The following ACTR5 variants were observed in gnomAD, a reference collection of about 807,000 sequenced individuals.
ACTR5 encodes actin-related protein 5.
In ACTR5, 43 loss-of-function variants were observed where a neutral mutation model predicts 61.2. That is an observed-to-expected ratio of 0.70 (90% CI 0.55 to 0.91). The LOEUF (loss-of-function observed/expected upper bound fraction) is 0.91. ACTR5 is among the 40% of genes least tolerant of loss of function. The pLI is 0.00. For missense variants in ACTR5, 798 were observed against 782.2 expected (o/e 1.02, Z -0.24); for synonymous variants, 333 against 310.5 (o/e 1.07, Z -0.76).
chr20:38,748,918 C>T (rs900286036), intron 1 of ACTR5, 65 bp downstream of exon 1: 3 of 1,523,514 alleles, frequency 2.0e-6, no homozygotes, highest in Non-Finnish European at 1.8e-6. Flanking sequence ...CGTCTCCGCT[C>T]ACTCTGCTCT....
chr20:38,752,187 A>G lies in ACTR5; in HGVS notation c.662A>G (p.Tyr221Cys). The G allele has an allele frequency of 2.5e-6, 4 of 1,613,978 alleles. No homozygotes were observed. Among genetic ancestry groups the G allele is most frequent in the Non-Finnish European group, 3.4e-6 (4 of 1,179,912 alleles). The change falls in exon 3 of 9, where the codon TAC becomes TGC. Residue 221 changes from tyrosine to cysteine, a missense_variant. Transcript: ENST00000243903. ...CTTGGAGGAAGCCAAGCAGCTGGTT[A>G]CCTCCAGCGTCTCCTCCAGCTGAAG... ...INLGGSQAAG[Y>C]LQRLLQLKYP...
chr20:38,767,682 C>A, intron 8 of ACTR5, 86 bp downstream of exon 8: 3 of 1,435,040 alleles, frequency 2.1e-6, no homozygotes, highest in Non-Finnish European at 2.8e-6. Context: ...CAGAAATATC[C>A]ACTGTTAACA....
At chr20:38,751,001 C>A (rs1375425525) in intron 2 of ACTR5, among the ~76,000 whole-genome samples, 2 of 152,176 alleles carry the variant, frequency 1.3e-5, no homozygotes, top group Non-Finnish European at 2.9e-5. Flanking sequence ...TGGACCCTTA[C>A]TAAATATTTT....
chr20:38,766,635 A>G (rs1310610710), intron 7 of ACTR5, among the ~76,000 whole-genome samples: 1 of 152,208 alleles, frequency 6.6e-6, no homozygotes, highest in Non-Finnish European at 1.5e-5. Flanking sequence ...AAGTTTGAAC[A>G]ACCCGATAAC....
chr20:38,759,730 C>T (rs1024432101), intron 5 of ACTR5, among the ~76,000 whole-genome samples: 1 of 152,082 alleles, frequency 6.6e-6, no homozygotes, highest in Non-Finnish European at 1.5e-5. Flanking sequence ...TGCCTGCCTT[C>T]CTGGGTACCT....
At chr20:38,756,181 T>C in intron 5 of ACTR5, 142 bp downstream of exon 5, 1 of 957,710 alleles carries the variant, frequency 1.0e-6, no homozygotes, top group South Asian at 1.8e-5. Flanking sequence ...GCACTGACCT[T>C]GTACCAACTG....
chr20:38,755,677 T>A (rs2084416119), intron 4 of ACTR5, among the ~76,000 whole-genome samples, 180 bp from the exon 5 acceptor site: 1 of 151,964 alleles, frequency 6.6e-6, no homozygotes, highest in South Asian at 2.1e-4. Context: ...TTGCTGGAAC[T>A]GTGATGCAAT....
chr20:38,750,416 G>T (rs2084379758), intron 2 of ACTR5, among the ~76,000 whole-genome samples, 177 bp downstream of exon 2: 1 of 152,174 alleles, frequency 6.6e-6, no homozygotes, highest in African/African-American at 2.4e-5. Context: ...GCCCATAGTT[G>T]TGTCCTTTGT....
At chr20:38,767,324 A>T (rs1388296889) in intron 7 of ACTR5, 140 bp from the exon 8 acceptor site, 4 of 806,918 alleles carry the variant, frequency 5.0e-6, no homozygotes, top group Non-Finnish European at 5.3e-6. Flanking sequence ...CAAATGAAAA[A>T]TGAAAGTTTT....
rs2084412545 is a variant in ACTR5 at position 38,755,188 on chromosome 20, C to G, written c.993+14C>G. 6.3e-7 allele frequency: 1 copy of G among 1,575,020 alleles called. No individual in the cohort carries two copies. The highest frequency in any genetic ancestry group is 2.3e-5 in the East Asian group (1 of 44,258). On this transcript the variant is annotated intron_variant, in intron 4 of 8. Coordinates refer to ENST00000243903, the MANE Select transcript of ACTR5 (RefSeq NM_024855.4). Reference sequence around the variant, plus strand: ...CTATATGTGCAGGTAATAGCAGACACAGGGACGGGCGCCCTTCCGTGTTAA... The same window carrying G: ...CTATATGTGCAGGTAATAGCAGACAGAGGGACGGGCGCCCTTCCGTGTTAA...
In ACTR5 at chr20:38,771,899, G is replaced by A; in HGVS notation, c.*83G>A. 1 of 1,497,550 alleles carries A rather than the reference G, an allele frequency of 6.7e-7. No homozygotes were observed. Among genetic ancestry groups the A allele is most frequent in the Non-Finnish European group, 8.9e-7 (1 of 1,124,362 alleles). 92.8% of individuals were successfully genotyped at this position (1,497,550 alleles called of 1,614,324 possible). A position where few individuals can be genotyped will look rare whatever the true frequency, so the allele number is the denominator to read the frequency against. ...TGACAGGACTGTGATTGTGCTAGAT[G>A]TACCTGCCCAAGTCTGCTGGTCACA... On this transcript the variant is annotated 3_prime_UTR_variant, in exon 9 of 9. Transcript: ENST00000243903.
chr20:38,770,429 G>T (rs2084513192), intron 8 of ACTR5, among the ~76,000 whole-genome samples: 1 of 152,216 alleles, frequency 6.6e-6, no homozygotes, highest in South Asian at 2.1e-4. Context: ...ATACTTTCCA[G>T]TCGTTTTCAT....
At chr20:38,759,829 A>G (rs1461903054) in intron 5 of ACTR5, among the ~76,000 whole-genome samples, 1 of 152,134 alleles carries the variant, frequency 6.6e-6, no homozygotes, top group African/African-American at 2.4e-5. Flanking sequence ...GTGGGAATAC[A>G]CATTTGGTTT....
chr20:38,755,232 T>C (rs989171800), intron 4 of ACTR5, 58 bp downstream of exon 4: 146 of 1,467,964 alleles, frequency 9.9e-5, no homozygotes, highest in Non-Finnish European at 1.2e-4. Flanking sequence ...TCTCAGAAGA[T>C]TTTCTTGCAT....
intron 2 of ACTR5, among the ~76,000 whole-genome samples, chr20:38,750,844 T>C (rs2084383385): frequency 6.6e-6 from 1 of 152,166 alleles, no homozygotes; most frequent in Non-Finnish European, 1.5e-5. Flanking sequence ...TTGGTCAGGC[T>C]AGTCTCAAAC....
chr20:38,748,625 C>T lies in ACTR5; in HGVS notation c.147C>T (p.Pro49=), dbSNP rs1307664228. 1 of 1,521,778 alleles carries T rather than the reference C, an allele frequency of 6.6e-7. No homozygotes were observed. The highest frequency in any genetic ancestry group is 8.8e-7 in the Non-Finnish European group (1 of 1,136,856). The allele number at this position is 1,521,778 out of a possible 1,614,324, so 94.3% of individuals were successfully genotyped here. A position where few individuals can be genotyped will look rare whatever the true frequency, so the allele number is the denominator to read the frequency against. Reference sequence around the variant, plus strand: ...AAGTCCGCGCTGGCTGGGCGTGTCCCGGGCAGGACCCAGGTCCCGAGCCGC... The same window carrying T: ...AAGTCCGCGCTGGCTGGGCGTGTCCTGGGCAGGACCCAGGTCCCGAGCCGC... The part of the protein sequence containing the change: ...SFQVRAGWAC[P]GQDPGPEPRL... The change falls in exon 1 of 9, where the codon CCC becomes CCT. Residue 49 remains proline (P), a synonymous_variant. Coordinates refer to ENST00000243903, the MANE Select transcript of ACTR5 (RefSeq NM_024855.4).
At chr20:38,768,438 G>A (rs1004324905) in intron 8 of ACTR5, among the ~76,000 whole-genome samples, 16 of 152,112 alleles carry the variant, frequency 1.1e-4, no homozygotes, top group African/African-American at 2.2e-4. Flanking sequence ...CAAGGTGCCC[G>A]GGGTGAAATC....
chr20:38,753,873 C>CTT (rs71330446), intron 3 of ACTR5, among the ~76,000 whole-genome samples: 8,080 of 116,494 alleles, frequency 0.069, 304 homozygotes, highest in African/African-American at 0.11. Flanking sequence ...GTTATTCGAG[C>CTT]TTTTTTTTTT....
intron 5 of ACTR5, among the ~76,000 whole-genome samples, chr20:38,762,527 T>C (rs2084461195): frequency 6.6e-6 from 1 of 152,134 alleles, no homozygotes; most frequent in South Asian, 2.1e-4. Context: ...GAAAAGTGTG[T>C]GGGATAGAAG....
Sources: allele counts gnomAD v4.1 joint callset (sites outside exome capture counted in the v4.1 genomes callset), GRCh38; gene constraint gnomAD v4.1.1; transcripts MANE v1.5; gene names NCBI Gene and HGNC (gene_info 2026-07-23, HGNC 2026-07-21).